ROBO1: variants seen among roughly 807,000 people sequenced by gnomAD.
ROBO1 encodes roundabout homolog 1.
ROBO1 carries 149 observed loss-of-function variants against 195.9 expected under a neutral mutation model. The ratio of observed to expected loss-of-function variants is 0.76; its 90% CI spans 0.67 to 0.87. The LOEUF is 0.87. Ranked by LOEUF, ROBO1 falls within the 40% of genes least tolerant of loss-of-function variation. The pLI is 0.00. For missense variants in ROBO1, 1,933 were observed against 2,068.3 expected (o/e 0.93, Z 1.27); for synonymous variants, 816 against 733.2 (o/e 1.11, Z -1.82).
At chr3:79,421,256 A>T (rs2038211613) in intron 2 of ROBO1, among the ~76,000 whole-genome samples, 1 of 152,050 alleles carries the variant, frequency 6.6e-6, no homozygotes, top group African/African-American at 2.4e-5. Context: ...AGAATTAAAA[A>T]ATTACCTATT....
chr3:78,821,276 C>T (rs2030904085), intron 4 of ROBO1, among the ~76,000 whole-genome samples: 1 of 151,314 alleles, frequency 6.6e-6, no homozygotes, highest in Non-Finnish European at 1.5e-5. Context: ...AGCAATTCTC[C>T]TGCCTCAGCC....
intron 2 of ROBO1, among the ~76,000 whole-genome samples, chr3:79,302,643 C>A (rs1319282921): frequency 6.6e-6 from 1 of 152,172 alleles, no homozygotes; most frequent in East Asian, 1.9e-4. Context: ...ACTAAAAAAT[C>A]GTTGTTTTAA....
chr3:78,919,590 T>C (rs906323426), intron 4 of ROBO1, among the ~76,000 whole-genome samples: 1 of 152,224 alleles, frequency 6.6e-6, no homozygotes, highest in African/African-American at 2.4e-5. Context: ...ACCTATTCCA[T>C]GTCAGAAGAT....
chr3:79,567,396 A>G (rs1943123773), intron 2 of ROBO1, among the ~76,000 whole-genome samples: 1 of 152,180 alleles, frequency 6.6e-6, no homozygotes, highest in Non-Finnish European at 1.5e-5. Flanking sequence ...AAAGTTAGAA[A>G]AGGAGAGAAT....
chr3:78,768,829 T>A (rs1310456630), intron 4 of ROBO1, among the ~76,000 whole-genome samples: 1 of 102,264 alleles, frequency 9.8e-6, no homozygotes, highest in Non-Finnish European at 1.8e-5. Context: ...CCCACCACAG[T>A]CCCCAGAGTG....
intron 3 of ROBO1, among the ~76,000 whole-genome samples, chr3:79,060,868 T>TTATGA (rs1416949575): frequency 1.9e-4 from 29 of 152,086 alleles, no homozygotes; most frequent in African/African-American, 7.0e-4. Context: ...TAAGAGCTAT[T>TTATGA]TATGACATAC....
intron 3 of ROBO1, among the ~76,000 whole-genome samples, chr3:79,077,455 G>A (rs371367997): frequency 1.8e-4 from 28 of 151,774 alleles, no homozygotes; most frequent in Middle Eastern, 3.4e-3. Flanking sequence ...GTAGATATAC[G>A]GAATGATCTA....
intron 2 of ROBO1, among the ~76,000 whole-genome samples, chr3:79,469,785 C>T (rs1046132963): frequency 6.6e-6 from 1 of 151,904 alleles, no homozygotes; most frequent in Non-Finnish European, 1.5e-5. Flanking sequence ...AATATAAGTG[C>T]TTTTAAAAGA....
At chr3:79,688,308 T>G (rs1302452513) in intron 1 of ROBO1, among the ~76,000 whole-genome samples, 1 of 151,842 alleles carries the variant, frequency 6.6e-6, no homozygotes, top group African/African-American at 2.4e-5. Context: ...ACATGGCACA[T>G]GTATACATAT....
At chr3:78,607,123 C>T (rs1034177300) in intron 28 of ROBO1, 82 bp from the exon 29 acceptor site, 123 of 1,310,706 alleles carry the variant, frequency 9.4e-5, no homozygotes, top group Non-Finnish European at 1.2e-4. Flanking sequence ...ATTGGAGCCA[C>T]ATTCACCTAC....
chr3:79,294,015 G>A (rs1356189608), intron 2 of ROBO1, among the ~76,000 whole-genome samples: 15 of 115,350 alleles, frequency 1.3e-4, no homozygotes, highest in Admixed American at 3.7e-4. Flanking sequence ...CCGAGATCGC[G>A]CCACTGCACT....
chr3:78,689,480 A>C (rs1360635708), intron 8 of ROBO1, among the ~76,000 whole-genome samples: 1 of 152,116 alleles, frequency 6.6e-6, no homozygotes, highest in East Asian at 1.9e-4. Context: ...CATTGAATAC[A>C]ATGGTAGCTG....
intron 9 of ROBO1, among the ~76,000 whole-genome samples, chr3:78,687,008 G>T (rs942333630): frequency 1.3e-5 from 2 of 152,082 alleles, no homozygotes; most frequent in African/African-American, 4.8e-5. Context: ...CTTTTACAAA[G>T]CTTTGGTGCC....
At chr3:79,197,013 C>G (rs545539157) in intron 2 of ROBO1, among the ~76,000 whole-genome samples, 1 of 151,676 alleles carries the variant, frequency 6.6e-6, no homozygotes, top group South Asian at 2.1e-4. Flanking sequence ...CTGCTTTTCC[C>G]TATTCCTGTA....
intron 2 of ROBO1, among the ~76,000 whole-genome samples, chr3:79,335,603 A>G (rs1274748337): frequency 6.6e-6 from 1 of 152,172 alleles, no homozygotes; most frequent in Non-Finnish European, 1.5e-5. Context: ...AGGCCTCCCC[A>G]GCCATGTGGA....
chr3:78,923,529 G>A (rs2039054181), intron 4 of ROBO1, among the ~76,000 whole-genome samples: 1 of 152,118 alleles, frequency 6.6e-6, no homozygotes, highest in African/African-American at 2.4e-5. Flanking sequence ...AATGGTGTGT[G>A]TAATGCTACT....
At chr3:79,497,085 G>T (rs1939787958) in intron 2 of ROBO1, among the ~76,000 whole-genome samples, 1 of 152,170 alleles carries the variant, frequency 6.6e-6, no homozygotes, top group African/African-American at 2.4e-5. Context: ...GAAGCAGAAG[G>T]TAAGAGAGGA....
chr3:79,482,794 C>A (rs1938933169), intron 2 of ROBO1, among the ~76,000 whole-genome samples: 1 of 152,058 alleles, frequency 6.6e-6, no homozygotes, highest in Admixed American at 6.6e-5. Flanking sequence ...TTGGATTTGA[C>A]CTTGAAACCT....
In ROBO1 at chr3:79,410,470, G is replaced by A. The variant is rs567932904; in HGVS notation, c.88+179354C>T. ...AAAAAACAAAACATTGAGGCAACCTGTATGTCCAGGGAAAATACGGTCAGT... is the reference window on the plus strand; with the variant it reads ...AAAAAACAAAACATTGAGGCAACCTATATGTCCAGGGAAAATACGGTCAGT... On this transcript the variant is annotated intron_variant, in intron 2 of 30. Coordinates refer to ENST00000464233, the MANE Select transcript of ROBO1 (RefSeq NM_002941.4). 3.9e-5 allele frequency among the ~76,000 whole-genome samples: 6 copies of A among 152,212 alleles called. No homozygotes were observed. In the South Asian group the frequency reaches 1.2e-3, roughly 32 times the overall value.
Sources: gnomAD v4.1 joint callset for allele counts (sites outside exome capture counted in the v4.1 genomes callset) on GRCh38, gnomAD v4.1.1 for gene constraint, MANE v1.5 for transcripts, NCBI Gene and HGNC (gene_info 2026-07-23, HGNC 2026-07-21) for gene names.